The following EGFR variants were observed in gnomAD, a reference collection of about 807,000 sequenced individuals.
The protein encoded by EGFR is epidermal growth factor receptor, also known as avian erythroblastic leukemia viral (v-erb-b) oncogene homolog.
Under a neutral mutation model 143.0 loss-of-function variants are expected in EGFR, and 58 were observed. That is an observed-to-expected ratio of 0.41 (90% CI 0.33 to 0.50). EGFR has a LOEUF of 0.50. EGFR is among the 20% of genes least tolerant of loss of function. The probability of loss-of-function intolerance (pLI) is 0.39; values close to 1 mark genes in which losing one functional copy is unlikely to be tolerated. For synonymous variants in EGFR, 613 were observed against 594.4 expected, an observed-to-expected ratio of 1.03 and a Z score of -0.45; for missense variants, 1,307 against 1,579.0, an observed-to-expected ratio of 0.83 and a Z score of 2.92.
intron 7 of EGFR, among the ~76,000 whole-genome samples, chr7:55,154,413 C>G (rs1785310570): frequency 6.6e-6 from 1 of 152,220 alleles, no homozygotes; most frequent in South Asian, 2.1e-4. Flanking sequence ...CAGGCCACCT[C>G]ACAGGAGAAA....
chr7:55,113,510 G>A (rs1413162356), intron 1 of EGFR, among the ~76,000 whole-genome samples: 1 of 152,108 alleles, frequency 6.6e-6, no homozygotes, highest in African/African-American at 2.4e-5. Flanking sequence ...GTGTACAAGT[G>A]TGATGTTTTC....
At chr7:55,136,074 G>A (rs575223642) in intron 1 of EGFR, among the ~76,000 whole-genome samples, 25 of 152,256 alleles carry the variant, frequency 1.6e-4, no homozygotes, top group South Asian at 6.2e-4. Flanking sequence ...TCATGCTTCC[G>A]TGCATTTGAG....
At chr7:55,125,667 A>G (rs1793481297) in intron 1 of EGFR, among the ~76,000 whole-genome samples, 1 of 151,758 alleles carries the variant, frequency 6.6e-6, no homozygotes, top group Non-Finnish European at 1.5e-5. Flanking sequence ...AATCCAGCGT[A>G]CCAGCTTTCC....
intron 1 of EGFR, among the ~76,000 whole-genome samples, chr7:55,024,910 C>T (rs2128858197): frequency 6.6e-6 from 1 of 152,284 alleles, no homozygotes; most frequent in Non-Finnish European, 1.5e-5. Context: ...TTTAATTCTA[C>T]ATGGGGAGGA....
At chr7:55,120,848 T>A (rs1419152629) in intron 1 of EGFR, among the ~76,000 whole-genome samples, 1 of 152,226 alleles carries the variant, frequency 6.6e-6, no homozygotes, top group Non-Finnish European at 1.5e-5. Context: ...TAACATTGCT[T>A]ATAGGAAGAC....
intron 22 of EGFR, among the ~76,000 whole-genome samples, chr7:55,194,762 C>T (rs1018763443): frequency 2.6e-5 from 4 of 152,210 alleles, no homozygotes; most frequent in Non-Finnish European, 5.9e-5. Flanking sequence ...CACCCATTCT[C>T]AGGAAGTCCG....
chr7:55,203,375 C>T (rs1787947521), intron 27 of EGFR, among the ~76,000 whole-genome samples: 2 of 145,836 alleles, frequency 1.4e-5, no homozygotes, highest in South Asian at 2.2e-4. Flanking sequence ...CATACATACA[C>T]ACCACACATA....
intron 19 of EGFR, among the ~76,000 whole-genome samples, chr7:55,178,049 C>A (rs758535773): frequency 6.6e-6 from 1 of 152,190 alleles, no homozygotes; most frequent in Non-Finnish European, 1.5e-5. Flanking sequence ...GTGTGGCCGA[C>A]ACCCACGCCC....
intron 1 of EGFR, among the ~76,000 whole-genome samples, chr7:55,107,388 C>T (rs1792199795): frequency 6.6e-6 from 1 of 152,166 alleles, no homozygotes; most frequent in African/African-American, 2.4e-5. Context: ...ATGACAGAGA[C>T]CTATTGTTTT....
chr7:55,194,667 C>A (rs1286313144), intron 22 of EGFR, among the ~76,000 whole-genome samples: 1 of 152,228 alleles, frequency 6.6e-6, no homozygotes, highest in South Asian at 2.1e-4. Flanking sequence ...CCAGGCATAG[C>A]CTGTGTGTGC....
intron 1 of EGFR, among the ~76,000 whole-genome samples, chr7:55,048,174 C>T (rs1181628183): frequency 1.3e-5 from 2 of 152,096 alleles, no homozygotes; most frequent in Admixed American, 1.3e-4. Context: ...TAGACCCCCC[C>T]TCGGTTTGTT....
chr7:55,197,515 G>T (rs1032157783), intron 22 of EGFR, among the ~76,000 whole-genome samples: 1 of 152,150 alleles, frequency 6.6e-6, no homozygotes, highest in African/African-American at 2.4e-5. Flanking sequence ...TCTCTCACCT[G>T]ATTTATCTGG....
At chr7:55,023,892 A>G (rs1325074712) in intron 1 of EGFR, among the ~76,000 whole-genome samples, 1 of 152,064 alleles carries the variant, frequency 6.6e-6, no homozygotes, top group Non-Finnish European at 1.5e-5. Context: ...TTTTCCTCCT[A>G]CAGGAATGAA....
At chr7:55,116,249 A>G (rs913829547) in intron 1 of EGFR, among the ~76,000 whole-genome samples, 1 of 152,186 alleles carries the variant, frequency 6.6e-6, no homozygotes, top group Non-Finnish European at 1.5e-5. Flanking sequence ...AGGCCTTCAC[A>G]CCTTCTCTGC....
chr7:55,110,828 C>G (rs1220746732), intron 1 of EGFR, among the ~76,000 whole-genome samples: 1 of 152,172 alleles, frequency 6.6e-6, no homozygotes, highest in Non-Finnish European at 1.5e-5. Flanking sequence ...CCTGGCAGAT[C>G]TTGGGCCCAG....
At chr7:55,156,041 AT>A (rs1474010070) in intron 8 of EGFR, 95 bp downstream of exon 8, 5 of 866,936 alleles carry the variant, frequency 5.8e-6, no homozygotes, top group Non-Finnish European at 9.5e-6. Context: ...TCCTCTTCTC[AT>A]TAAAAAACAA....
intron 1 of EGFR, among the ~76,000 whole-genome samples, chr7:55,124,338 A>C (rs1793393007): frequency 1.3e-5 from 2 of 152,242 alleles, no homozygotes; most frequent in African/African-American, 4.8e-5. Flanking sequence ...AATTGACTAA[A>C]TTATTCAAAA....
chr7:55,025,742 T>C (rs1014235224), intron 1 of EGFR, among the ~76,000 whole-genome samples: 3 of 152,212 alleles, frequency 2.0e-5, no homozygotes, highest in African/African-American at 7.2e-5. Flanking sequence ...AGCATCGAAA[T>C]TGAGCCACAC....
chr7:55,050,160 T>C (rs1788406287), intron 1 of EGFR, among the ~76,000 whole-genome samples: 1 of 152,230 alleles, frequency 6.6e-6, no homozygotes, highest in Non-Finnish European at 1.5e-5. Context: ...ATTCACGTTG[T>C]TCTATAGCCA....
Sources: gnomAD v4.1 joint callset for allele counts (sites outside exome capture counted in the v4.1 genomes callset) on GRCh38, gnomAD v4.1.1 for gene constraint, MANE v1.5 for transcripts, NCBI Gene and HGNC (gene_info 2026-07-23, HGNC 2026-07-21) for gene names.